CACNA2D3: variants seen among roughly 807,000 people sequenced by gnomAD.
CACNA2D3 encodes calcium voltage-gated channel auxiliary subunit alpha2delta 3.
CACNA2D3 carries 60 observed loss-of-function variants against 160.6 expected under a neutral mutation model. That is an observed-to-expected ratio of 0.37 (90% CI 0.30 to 0.46). The LOEUF (loss-of-function observed/expected upper bound fraction) is 0.46, where lower values mean the gene tolerates loss of function less well. CACNA2D3 is among the 20% of genes least tolerant of loss of function. The pLI is 1.00. For synonymous variants in CACNA2D3, 558 were observed against 492.9 expected (o/e 1.13, Z -1.75); for missense variants, 1,205 against 1,365.0 (o/e 0.88, Z 1.85).
At chr3:54,286,907 TA>T (rs1410572000) in intron 2 of CACNA2D3, among the ~76,000 whole-genome samples, 1 of 152,072 alleles carries the variant, frequency 6.6e-6, no homozygotes, top group East Asian at 1.9e-4. Flanking sequence ...AGGCCTGCCC[TA>T]AAAGAGCTCC....
chr3:54,949,708 A>G (rs1701707667), intron 27 of CACNA2D3, among the ~76,000 whole-genome samples: 2 of 152,154 alleles, frequency 1.3e-5, no homozygotes, highest in Admixed American at 1.3e-4. Flanking sequence ...GGCCTCAGAA[A>G]AATTCAGAAC....
At chr3:54,263,009 G>T (rs981687446) in intron 2 of CACNA2D3, among the ~76,000 whole-genome samples, 10 of 152,150 alleles carry the variant, frequency 6.6e-5, no homozygotes, top group Non-Finnish European at 1.2e-4. Flanking sequence ...TCACTATGAT[G>T]GATTTATACT....
chr3:54,424,984 T>A (rs1424380968), intron 4 of CACNA2D3, among the ~76,000 whole-genome samples: 4 of 152,214 alleles, frequency 2.6e-5, no homozygotes, highest in African/African-American at 9.7e-5. Context: ...ACCCCTGACC[T>A]GTTCTGTCTC....
intron 11 of CACNA2D3, among the ~76,000 whole-genome samples, chr3:54,677,301 A>G (rs1292339547): frequency 6.6e-6 from 1 of 152,212 alleles, no homozygotes; most frequent in Non-Finnish European, 1.5e-5. Flanking sequence ...AGGGAAAATA[A>G]AAAGGAAAGG....
intron 24 of CACNA2D3, among the ~76,000 whole-genome samples, 182 bp downstream of exon 24, chr3:54,888,234 C>T (rs1283284914): frequency 6.6e-6 from 1 of 152,226 alleles, no homozygotes; most frequent in African/African-American, 2.4e-5. Context: ...TGGCAAGCTC[C>T]TGGCTTTGAC....
Position 54,520,831 on chromosome 3 carries a change from T to C in CACNA2D3, c.544+17177T>C, listed in dbSNP as rs562308905. The stretch of plus-strand genomic sequence containing the variant: ...TTTCTGTCCCTATAGATTTACCTTT[T>C]CTGGATATTTTAGATAAATGTAATC... On this transcript the variant is annotated intron_variant, in intron 5 of 37. Coordinates refer to ENST00000474759, the MANE Select transcript of CACNA2D3 (RefSeq NM_018398.3). 3.3e-5 allele frequency among the ~76,000 whole-genome samples: 5 copies of C among 152,372 alleles called. No individual in the cohort carries two copies. The South Asian group carries it at 1.0e-3, about 32-fold the overall frequency.
chr3:54,732,904 A>G (rs1575446689), intron 11 of CACNA2D3, among the ~76,000 whole-genome samples: 1 of 152,258 alleles, frequency 6.6e-6, no homozygotes, highest in Non-Finnish European at 1.5e-5. Context: ...TAACAAATCT[A>G]AAATCTAGTT....
chr3:55,049,874 T>C (rs1704149693), intron 35 of CACNA2D3, among the ~76,000 whole-genome samples: 1 of 149,754 alleles, frequency 6.7e-6, no homozygotes, highest in Admixed American at 6.6e-5. Flanking sequence ...TCTTTGTCTC[T>C]TTTGATCTTT....
intron 4 of CACNA2D3, among the ~76,000 whole-genome samples, chr3:54,430,380 A>C (rs1020728783): frequency 6.6e-6 from 1 of 152,198 alleles, no homozygotes; most frequent in East Asian, 1.9e-4. Context: ...GCTTTCATTG[A>C]GTTGTTGAGC....
intron 34 of CACNA2D3, among the ~76,000 whole-genome samples, chr3:55,013,552 G>C (rs577664093): frequency 6.6e-6 from 1 of 152,268 alleles, no homozygotes; most frequent in South Asian, 2.1e-4. Flanking sequence ...GGCTTGCAAG[G>C]TTTCTTCATT....
chr3:54,146,939 G>C (rs1700041987), intron 2 of CACNA2D3, among the ~76,000 whole-genome samples: 1 of 152,256 alleles, frequency 6.6e-6, no homozygotes, highest in Admixed American at 6.5e-5. Flanking sequence ...TCCGGGCCAA[G>C]GCTGCGGCTG....
intron 3 of CACNA2D3, among the ~76,000 whole-genome samples, chr3:54,350,273 T>C (rs2107532171): frequency 6.6e-6 from 1 of 152,212 alleles, no homozygotes; most frequent in East Asian, 1.9e-4. Context: ...CACAGTGTCA[T>C]TTTAGTTCTT....
intron 2 of CACNA2D3, among the ~76,000 whole-genome samples, chr3:54,253,745 C>G (rs145452255): frequency 6.6e-6 from 1 of 151,402 alleles, no homozygotes; most frequent in African/African-American, 2.4e-5. Flanking sequence ...GGATAATGTA[C>G]CCTCTAATCC....
At chr3:54,375,897 G>T (rs1056489657) in intron 3 of CACNA2D3, among the ~76,000 whole-genome samples, 1 of 152,110 alleles carries the variant, frequency 6.6e-6, no homozygotes, top group African/African-American at 2.4e-5. Context: ...GAAACATGGG[G>T]TGTATTTTGG....
At chr3:55,017,955 A>G (rs770384635) in intron 34 of CACNA2D3, among the ~76,000 whole-genome samples, 48 of 152,344 alleles carry the variant, frequency 3.2e-4, no homozygotes, top group Non-Finnish European at 5.7e-4. Flanking sequence ...GTTGTCCCAG[A>G]AAGTAGAATT....
intron 2 of CACNA2D3, among the ~76,000 whole-genome samples, chr3:54,134,048 TTGTC>T (rs1405653294): frequency 6.6e-6 from 1 of 152,232 alleles, no homozygotes. Context: ...TTCCTATTCT[TTGTC>T]TGTCTTTCCT....
intron 2 of CACNA2D3, among the ~76,000 whole-genome samples, chr3:54,267,470 G>A (rs1269667011): frequency 6.6e-6 from 1 of 152,094 alleles, no homozygotes; most frequent in East Asian, 1.9e-4. Context: ...CACTGAGATG[G>A]GTGGTCATCA....
chr3:54,722,301 G>A lies in CACNA2D3; in HGVS notation c.1168-30298G>A, dbSNP rs184996638. On this transcript the variant is annotated intron_variant, in intron 11 of 37. Coordinates refer to ENST00000474759, the MANE Select transcript of CACNA2D3 (RefSeq NM_018398.3). Reference sequence around the variant, plus strand: ...CTCTACACTGGTTATTCTAGTAAGCGATTCGTCTAACCTTTTTTCAAGGTT... The same window carrying A: ...CTCTACACTGGTTATTCTAGTAAGCAATTCGTCTAACCTTTTTTCAAGGTT... Among the ~76,000 whole-genome samples, 207 of 151,954 alleles carry A rather than the reference G, an allele frequency of 1.4e-3. 1 individual carries two copies. Among genetic ancestry groups the A allele is most frequent in the African/African-American group, 4.7e-3 (193 of 41,446 alleles).
intron 13 of CACNA2D3, among the ~76,000 whole-genome samples, chr3:54,778,228 G>A (rs1392419283): frequency 6.6e-6 from 1 of 152,054 alleles, no homozygotes; most frequent in Non-Finnish European, 1.5e-5. Context: ...ACAGCAAGGG[G>A]GGACATCAGC....
Sources: gnomAD v4.1 joint callset for allele counts (sites outside exome capture counted in the v4.1 genomes callset) on GRCh38, gnomAD v4.1.1 for gene constraint, MANE v1.5 for transcripts, NCBI Gene and HGNC (gene_info 2026-07-23, HGNC 2026-07-21) for gene names.